SPMIP7: variants seen among roughly 807,000 people sequenced by gnomAD.
The protein encoded by SPMIP7 is sperm microtubule inner protein 7.
chr7:50,141,282 G>T, the SPMIP7 span: 2 of 1,539,872 alleles, frequency 1.3e-6, no homozygotes, highest in Non-Finnish European at 8.8e-7. Context: ...TTCTAACAGT[G>T]GTCATGTGCA....
chr7:50,121,623 A>T, the SPMIP7 span, among the ~76,000 whole-genome samples: 4 of 151,862 alleles, frequency 2.6e-5, no homozygotes, highest in Admixed American at 2.6e-4. Context: ...GCCCAGTTAA[A>T]CACTGTTCAA....
the SPMIP7 span, chr7:50,096,551 C>CA: frequency 6.4e-7 from 1 of 1,551,588 alleles, no homozygotes; most frequent in Non-Finnish European, 8.7e-7. Flanking sequence ...AATAAAAAGG[C>CA]AAAAAATTCT....
At chr7:50,106,583 G>A in the SPMIP7 span, among the ~76,000 whole-genome samples, 1 of 152,070 alleles carries the variant, frequency 6.6e-6, no homozygotes, top group African/African-American at 2.4e-5. Context: ...AAACCTCAAA[G>A]TATTTTCATT....
chr7:50,133,685 A>G, the SPMIP7 span, among the ~76,000 whole-genome samples: 2,077 of 152,212 alleles, frequency 0.014, 51 homozygotes, highest in African/African-American at 0.047. Context: ...ATCTTCCGGG[A>G]TCATTCAGGT....
At chr7:50,108,230 A>G in the SPMIP7 span, among the ~76,000 whole-genome samples, 1 of 152,230 alleles carries the variant, frequency 6.6e-6, no homozygotes, top group Non-Finnish European at 1.5e-5. Flanking sequence ...AATAGTAGAC[A>G]CACAACATGT....
At chr7:50,151,308 G>A in the SPMIP7 span, 1 of 668,130 alleles carries the variant, frequency 1.5e-6, no homozygotes, top group Non-Finnish European at 2.5e-6. Flanking sequence ...GACAGCCCAA[G>A]TTCCACACCT....
At chr7:50,117,214 C>A in the SPMIP7 span, 3 of 454,702 alleles carry the variant, frequency 6.6e-6, no homozygotes, top group African/African-American at 2.0e-5. Context: ...TCACGCTGTT[C>A]ATTCATGAAA....
the SPMIP7 span, among the ~76,000 whole-genome samples, chr7:50,124,479 G>A: frequency 6.6e-6 from 1 of 151,764 alleles, no homozygotes; most frequent in African/African-American, 2.4e-5. Context: ...TGATATGTGG[G>A]GACATAAAAC....
chr7:50,096,612 A>C, the SPMIP7 span: 7 of 1,549,210 alleles, frequency 4.5e-6, no homozygotes, highest in Admixed American at 5.9e-5. Flanking sequence ...GAAGTACCAG[A>C]CATTTCTATC....
At chr7:50,146,102 A>G in the SPMIP7 span, among the ~76,000 whole-genome samples, 1 of 152,134 alleles carries the variant, frequency 6.6e-6, no homozygotes, top group African/African-American at 2.4e-5. Context: ...TTAAAGAATA[A>G]CTCTATGAAT....
At chr7:50,129,665 A>G in the SPMIP7 span, 3 of 1,224,496 alleles carry the variant, frequency 2.4e-6, no homozygotes, top group Admixed American at 2.2e-5. Flanking sequence ...GAAAACAATA[A>G]CAATTTCCAT....
chr7:50,139,161 C>A, the SPMIP7 span, among the ~76,000 whole-genome samples: 1 of 151,740 alleles, frequency 6.6e-6, no homozygotes, highest in South Asian at 2.1e-4. Flanking sequence ...CCATCCTGGC[C>A]AACGTGGTGA....
the SPMIP7 span, among the ~76,000 whole-genome samples, chr7:50,131,295 G>A: frequency 6.6e-6 from 1 of 152,184 alleles, no homozygotes; most frequent in Non-Finnish European, 1.5e-5. Context: ...TGATTCTAAG[G>A]CTTTGGCCTA....
At chr7:50,101,581 T>C in the SPMIP7 span, among the ~76,000 whole-genome samples, 1 of 152,146 alleles carries the variant, frequency 6.6e-6, no homozygotes, top group Non-Finnish European at 1.5e-5. Flanking sequence ...AACTTAGTCT[T>C]AAATTTGATG....
chr7:50,106,662 A>G, the SPMIP7 span, among the ~76,000 whole-genome samples: 1 of 152,244 alleles, frequency 6.6e-6, no homozygotes, highest in Non-Finnish European at 1.5e-5. Flanking sequence ...AAAGTACACT[A>G]TGAGTGAGAA....
chr7:50,134,205 T>C, the SPMIP7 span: 1 of 1,550,068 alleles, frequency 6.5e-7, no homozygotes, highest in Non-Finnish European at 8.7e-7. Flanking sequence ...CTCACAGTGT[T>C]TTACTCTGAA....
chr7:50,125,455 A>G, the SPMIP7 span, among the ~76,000 whole-genome samples: 1 of 149,822 alleles, frequency 6.7e-6, no homozygotes, highest in East Asian at 1.9e-4. Flanking sequence ...ATAAGAAGGA[A>G]GAAAATTTAA....
the SPMIP7 span, among the ~76,000 whole-genome samples, chr7:50,122,244 C>T: frequency 6.6e-6 from 1 of 152,008 alleles, no homozygotes; most frequent in African/African-American, 2.4e-5. Context: ...AATATAAGAG[C>T]CCTCAGAAAT....
chr7:50,151,904 C>G, the SPMIP7 span, among the ~76,000 whole-genome samples: 48 of 152,312 alleles, frequency 3.2e-4, no homozygotes, highest in Non-Finnish European at 2.4e-4. Flanking sequence ...GCTGTGCACA[C>G]ACATCACCCT....
Sources: gnomAD v4.1 joint callset for allele counts (sites outside exome capture counted in the v4.1 genomes callset) on GRCh38, gnomAD v4.1.1 for gene constraint, MANE v1.5 for transcripts, NCBI Gene and HGNC (gene_info 2026-07-23, HGNC 2026-07-21) for gene names.